The following NR3C2 variants were observed in gnomAD, a reference collection of about 807,000 sequenced individuals.
NR3C2 encodes mineralocorticoid receptor.
A neutral mutation model predicts 86.4 loss-of-function variants in NR3C2; 15 were observed. That is an observed-to-expected ratio of 0.17 (90% CI 0.12 to 0.27). The LOEUF (loss-of-function observed/expected upper bound fraction) is 0.27. Ranked by LOEUF, NR3C2 falls within the 10% of genes least tolerant of loss-of-function variation. The pLI is 1.00. For synonymous variants in NR3C2, 458 were observed against 450.5 expected (o/e 1.02, Z -0.21); for missense variants, 960 against 1,195.6 (o/e 0.80, Z 2.91).
chr4:148,178,993 G>T (rs1735524074), intron 4 of NR3C2, among the ~76,000 whole-genome samples: 1 of 149,114 alleles, frequency 6.7e-6, no homozygotes. Flanking sequence ...CCTAGAAATT[G>T]AAAGCCTCTT....
chr4:148,349,799 G>T (rs1218930697), intron 2 of NR3C2, among the ~76,000 whole-genome samples: 1 of 151,880 alleles, frequency 6.6e-6, no homozygotes, highest in East Asian at 1.9e-4. Flanking sequence ...AAATTTCTTT[G>T]AGTCTCCAGA....
At chr4:148,374,866 A>G (rs1452810800) in intron 2 of NR3C2, among the ~76,000 whole-genome samples, 1 of 152,186 alleles carries the variant, frequency 6.6e-6, no homozygotes, top group Non-Finnish European at 1.5e-5. Flanking sequence ...AAAGACTGAC[A>G]CAAAATCTGA....
rs192468518 is a variant in NR3C2, at chr4:148,144,090, G to C, written c.2510+8379C>G. Among the ~76,000 whole-genome samples the C allele has an allele frequency of 2.6e-5, 4 of 152,044 alleles. No homozygotes were observed. In the East Asian group the frequency reaches 5.8e-4, roughly 22 times the overall value. ...GCAGTCCCTATCTTCTGCGTGCTCA[G>C]TCTCGGAACTTCTCTCATTATGATG... On this transcript the variant is annotated intron_variant, in intron 6 of 8. Coordinates refer to ENST00000358102, the MANE Select transcript of NR3C2 (RefSeq NM_000901.5).
chr4:148,256,890 A>G (rs1178664977), intron 3 of NR3C2, among the ~76,000 whole-genome samples: 2 of 152,190 alleles, frequency 1.3e-5, no homozygotes, highest in East Asian at 3.8e-4. Flanking sequence ...ACATCCCATT[A>G]AACAGAGCAC....
intron 4 of NR3C2, among the ~76,000 whole-genome samples, chr4:148,176,267 C>T (rs1735370703): frequency 6.6e-6 from 1 of 152,206 alleles, no homozygotes; most frequent in Admixed American, 6.5e-5. Context: ...TTTTCATATT[C>T]TGAGTTCAGG....
rs371226199 is a variant in NR3C2, at chr4:148,226,819, G to C, written c.1898-31957C>G. Among the ~76,000 whole-genome samples, 3 of 152,108 alleles carry C rather than the reference G, an allele frequency of 2.0e-5. No individual in the cohort carries two copies. In the East Asian group the frequency reaches 5.8e-4, roughly 29 times the overall value. ...TAATTCAGGTTTTAATTTGCCATTT[G>C]TATTTCTCTGACTACAAATGATGTT... is the stretch of plus-strand genomic sequence containing the variant. On this transcript the variant is annotated intron_variant, in intron 3 of 8. Coordinates refer to ENST00000358102, the MANE Select transcript of NR3C2 (RefSeq NM_000901.5).
At chr4:148,412,412 AG>A (rs1411729251) in intron 2 of NR3C2, among the ~76,000 whole-genome samples, 2 of 152,220 alleles carry the variant, frequency 1.3e-5, no homozygotes, top group Non-Finnish European at 2.9e-5. Context: ...ACATAAGTGA[AG>A]TAAAAAAAGA....
chr4:148,321,345 G>A (rs1743573346), intron 2 of NR3C2, among the ~76,000 whole-genome samples: 1 of 151,532 alleles, frequency 6.6e-6, no homozygotes, highest in South Asian at 2.1e-4. Flanking sequence ...TGAAAAAAAT[G>A]TATATTCTGT....
At chr4:148,412,875 T>C (rs988588075) in intron 2 of NR3C2, among the ~76,000 whole-genome samples, 5 of 152,108 alleles carry the variant, frequency 3.3e-5, no homozygotes, top group South Asian at 2.1e-4. Context: ...AAAGGATGAC[T>C]GAGTGTCCCA....
At chr4:148,134,143 T>A (rs1264295596) in intron 6 of NR3C2, among the ~76,000 whole-genome samples, 1 of 152,204 alleles carries the variant, frequency 6.6e-6, no homozygotes, top group East Asian at 1.9e-4. Flanking sequence ...ACTCAATTAA[T>A]TTATTAGAGA....
At chr4:148,373,364 C>T (rs960159733) in intron 2 of NR3C2, among the ~76,000 whole-genome samples, 1 of 152,110 alleles carries the variant, frequency 6.6e-6, no homozygotes, top group East Asian at 1.9e-4. Flanking sequence ...AACCAACTAT[C>T]CTGTATCATG....
intron 2 of NR3C2, among the ~76,000 whole-genome samples, chr4:148,282,034 ATATT>A (rs1413044922): frequency 6.6e-6 from 1 of 152,062 alleles, no homozygotes; most frequent in African/African-American, 2.4e-5. Context: ...ACTTATTCAT[ATATT>A]TATTTATTTT....
intron 2 of NR3C2, among the ~76,000 whole-genome samples, chr4:148,269,747 A>G (rs1212901679): frequency 6.6e-6 from 1 of 152,256 alleles, no homozygotes; most frequent in Non-Finnish European, 1.5e-5. Flanking sequence ...TATATTTATT[A>G]TAAGTTATTC....
At chr4:148,287,792 C>T (rs1741598119) in intron 2 of NR3C2, among the ~76,000 whole-genome samples, 1 of 151,984 alleles carries the variant, frequency 6.6e-6, no homozygotes, top group African/African-American at 2.4e-5. Flanking sequence ...TTTTTGGTTA[C>T]ATAACTCTAA....
chr4:148,176,918 T>G (rs888213285), intron 4 of NR3C2, among the ~76,000 whole-genome samples: 10 of 152,240 alleles, frequency 6.6e-5, no homozygotes, highest in African/African-American at 2.2e-4. Flanking sequence ...ATTTAAAATA[T>G]TTCACATTAG....
At chr4:148,153,079 A>G (rs1000034549) in intron 5 of NR3C2, among the ~76,000 whole-genome samples, 1 of 152,198 alleles carries the variant, frequency 6.6e-6, no homozygotes, top group Admixed American at 6.5e-5. Flanking sequence ...GGTGCCTCCT[A>G]TGGTCCAGGT....
At chr4:148,268,791 A>C (rs982757978) in intron 2 of NR3C2, among the ~76,000 whole-genome samples, 1 of 152,232 alleles carries the variant, frequency 6.6e-6, no homozygotes, top group Non-Finnish European at 1.5e-5. Context: ...TCTAGGACAA[A>C]GAGTTGAAAT....
chr4:148,349,329 ACTCT>A (rs553520439), intron 2 of NR3C2, among the ~76,000 whole-genome samples: 50 of 151,022 alleles, frequency 3.3e-4, no homozygotes, highest in Non-Finnish European at 6.3e-4. Flanking sequence ...TATTTGGCTG[ACTCT>A]CTATTTTTTT....
chr4:148,405,311 T>C (rs894709289), intron 2 of NR3C2, among the ~76,000 whole-genome samples: 1 of 152,200 alleles, frequency 6.6e-6, no homozygotes, highest in Non-Finnish European at 1.5e-5. Flanking sequence ...TTTTGCCAAC[T>C]ATGCAGATGT....
Sources: allele counts gnomAD v4.1 joint callset (sites outside exome capture counted in the v4.1 genomes callset), GRCh38; gene constraint gnomAD v4.1.1; transcripts MANE v1.5; gene names NCBI Gene and HGNC (gene_info 2026-07-23, HGNC 2026-07-21).